Variants in ZNF718 observed in about 807,000 individuals in gnomAD.
ZNF718 encodes the protein zinc finger protein 718.
A neutral mutation model predicts 2.6 loss-of-function variants in ZNF718; 3 were observed. That is an observed-to-expected ratio of 1.16 (90% CI 0.53 to 3.01). The LOEUF is 3.01. Among genes scored for constraint, ZNF718 ranks in the 30% most tolerant of loss-of-function variants. ZNF718 has a pLI of 0.03. For missense variants in ZNF718, 468 were observed against 230.0 expected, an observed-to-expected ratio of 2.03 and a Z score of -6.69; for synonymous variants, 135 against 77.9, an observed-to-expected ratio of 1.73 and a Z score of -3.86.
intron 3 of ZNF718, among the ~76,000 whole-genome samples, chr4:181,206 A>G (rs73213576): frequency 2.4e-3 from 286 of 117,096 alleles, no homozygotes; most frequent in Non-Finnish European, 3.7e-3. Flanking sequence ...AAGTCTCACT[A>G]TGTTGCCCAG....
chr4:135,233 T>C (rs10019148), intron 3 of ZNF718, among the ~76,000 whole-genome samples: 3,944 of 123,588 alleles, frequency 0.032, 128 homozygotes, highest in African/African-American at 0.091. Flanking sequence ...AGTGAGACTC[T>C]TGTCTTAAAA....
At chr4:171,525 C>G (rs1230319205) in intron 3 of ZNF718, among the ~76,000 whole-genome samples, 3 of 152,090 alleles carry the variant, frequency 2.0e-5, no homozygotes, top group Admixed American at 6.6e-5. Flanking sequence ...TTGTTTACCC[C>G]CTCAAGCCTC....
chr4:166,539 A>G (rs1553816868), downstream of ZNF718, among the ~76,000 whole-genome samples: 2 of 152,198 alleles, frequency 1.3e-5, no homozygotes, highest in East Asian at 1.9e-4. Context: ...AATGATCGCC[A>G]TTCTAACTGG....
At chr4:153,816 C>A (rs1281578631) in intron 3 of ZNF718, among the ~76,000 whole-genome samples, 1 of 152,092 alleles carries the variant, frequency 6.6e-6, no homozygotes, top group Non-Finnish European at 1.5e-5. Flanking sequence ...ACTGACAAAT[C>A]TATATACTGA....
intron 3 of ZNF718, 41 bp from the exon 4 acceptor site, chr4:160,871 A>G (rs782133947): frequency 1.4e-6 from 1 of 717,418 alleles, no homozygotes; most frequent in Non-Finnish European, 2.5e-6. Context: ...ATTTATATGA[A>G]TCTAGTAAGT....
chr4:125,557 T>G (rs1224701803), intron 1 of ZNF718, among the ~76,000 whole-genome samples: 1 of 152,186 alleles, frequency 6.6e-6, no homozygotes, highest in Non-Finnish European at 1.5e-5. Flanking sequence ...AAGAAAGACA[T>G]GGCCGAGTCT....
intron 3 of ZNF718, among the ~76,000 whole-genome samples, chr4:196,293 G>T (rs1422566688): frequency 6.6e-6 from 1 of 152,130 alleles, no homozygotes; most frequent in Admixed American, 6.5e-5. Flanking sequence ...AAGGGTGGTG[G>T]GGAACAGGTC....
intron 3 of ZNF718, among the ~76,000 whole-genome samples, chr4:189,336 A>G (rs955683742): frequency 7.2e-5 from 11 of 152,178 alleles, no homozygotes; most frequent in South Asian, 6.2e-4. Context: ...CAGCATTTTA[A>G]ATAATTTTCA....
At chr4:184,703 C>G (rs1035939778) in intron 3 of ZNF718, among the ~76,000 whole-genome samples, 4 of 152,010 alleles carry the variant, frequency 2.6e-5, no homozygotes, top group African/African-American at 9.6e-5. Flanking sequence ...TGTAATTGGC[C>G]TATTTAGGGG....
chr4:176,644 C>A (rs1181990057), intron 3 of ZNF718, among the ~76,000 whole-genome samples: 1 of 152,200 alleles, frequency 6.6e-6, no homozygotes, highest in African/African-American at 2.4e-5. Flanking sequence ...CCACTGAATT[C>A]TACCTCAATC....
At chr4:148,123 C>T (rs186872860) in intron 3 of ZNF718, among the ~76,000 whole-genome samples, 6 of 152,236 alleles carry the variant, frequency 3.9e-5, no homozygotes, top group East Asian at 1.9e-4. Context: ...GATTTCTGGG[C>T]GGGCAGGACT....
intron 3 of ZNF718, among the ~76,000 whole-genome samples, chr4:157,724 A>T (rs891239147): frequency 6.6e-6 from 1 of 152,086 alleles, no homozygotes; most frequent in Non-Finnish European, 1.5e-5. Flanking sequence ...ATTTAAAAAA[A>T]TTTGTTGAGG....
At chr4:193,891 G>A (rs374446964) in intron 3 of ZNF718, among the ~76,000 whole-genome samples, 9 of 152,274 alleles carry the variant, frequency 5.9e-5, no homozygotes, top group African/African-American at 2.2e-4. Context: ...CTTGACATAA[G>A]GGCATGGACA....
rs1159413881 is a variant in ZNF718 at position 131,913 on chromosome 4, C to T, written c.226+408C>T. Among the ~76,000 whole-genome samples, 42 of 101,160 alleles carry T rather than the reference C, an allele frequency of 4.2e-4. 14 individuals are homozygous for T. The highest frequency in any genetic ancestry group is 1.4e-3 in the African/African-American group (42 of 29,070). The allele number at this position is 101,160 out of a possible 152,430, so 66.4% of individuals were successfully genotyped here. ...ACAAAAAATTAGCCGGGTGTGGTGGCGGGCGCCTGTAGTCCCAGCTACTCA... is the reference window on the plus strand; with the variant it reads ...ACAAAAAATTAGCCGGGTGTGGTGGTGGGCGCCTGTAGTCCCAGCTACTCA... On this transcript the variant is annotated intron_variant, in intron 3 of 3. Transcript: ENST00000510175.
rs782088295 is a variant in ZNF718, at chr4:162,125, A to T, written c.*3A>T. Reference sequence around the variant, plus strand: ...CTCATACTGGAGGAAAATTTTAGAAATGTGAAGAATGTGGGAGCCTTTAAG... The same window carrying T: ...CTCATACTGGAGGAAAATTTTAGAATTGTGAAGAATGTGGGAGCCTTTAAG... On this transcript the variant is annotated 3_prime_UTR_variant, in exon 4 of 4. Transcript: ENST00000510175. 1 of 718,762 alleles carries T rather than the reference A, an allele frequency of 1.4e-6. No homozygotes were observed. The highest frequency in any genetic ancestry group is 2.6e-6 in the Non-Finnish European group (1 of 390,570). The allele number at this position is 718,762 out of a possible 1,614,324, so 44.5% of individuals were successfully genotyped here.
At chr4:145,207 T>C (rs559588468) in intron 3 of ZNF718, among the ~76,000 whole-genome samples, 1 of 152,322 alleles carries the variant, frequency 6.6e-6, no homozygotes, top group African/African-American at 2.4e-5. Flanking sequence ...ACTGGATAAG[T>C]AAATGTTTTT....
rs148340962 is a variant in ZNF718 at position 187,804 on chromosome 4, A to G, written c.227-13277A>G. The stretch of plus-strand genomic sequence containing the variant: ...GTTGGGGGGATTTGTTCAGCCCCCA[A>G]TTGGCTTGGGCTCTCCAAGGCCCAC... On this transcript the variant is annotated intron_variant and NMD_transcript_variant, in intron 3 of 4. Transcript: ENST00000642529. 5.9e-3 allele frequency among the ~76,000 whole-genome samples: 896 copies of G among 152,244 alleles called. 7 individuals are homozygous for G. The highest frequency in any genetic ancestry group is 0.019 in the African/African-American group (809 of 41,558).
At chr4:198,171 C>T (rs559749233) in intron 3 of ZNF718, among the ~76,000 whole-genome samples, 18 of 152,128 alleles carry the variant, frequency 1.2e-4, no homozygotes, top group Admixed American at 2.0e-4. Context: ...TCATGAGAAA[C>T]GTGCTAAGAG....
chr4:189,427 T>C (rs1288000716), intron 3 of ZNF718, among the ~76,000 whole-genome samples: 1 of 152,154 alleles, frequency 6.6e-6, no homozygotes, highest in African/African-American at 2.4e-5. Context: ...TTTCTTGACT[T>C]AATTTTTAGT....
Sources: allele counts gnomAD v4.1 joint callset (sites outside exome capture counted in the v4.1 genomes callset), GRCh38; gene constraint gnomAD v4.1.1; transcripts MANE v1.5; gene names NCBI Gene and HGNC (gene_info 2026-07-23, HGNC 2026-07-21).